The following TPD52 variants were observed in gnomAD, a reference collection of about 807,000 sequenced individuals.
The protein encoded by TPD52 is prostate and colon associated protein.
A neutral mutation model predicts 31.3 loss-of-function variants in TPD52; 17 were observed. That is an observed-to-expected ratio of 0.54 (90% confidence interval 0.37 to 0.82). The LOEUF is 0.82. Among genes scored for constraint, TPD52 ranks in the 40% least tolerant of loss-of-function variants. The probability of loss-of-function intolerance (pLI) is 0.00; values close to 1 mark genes in which losing one functional copy is unlikely to be tolerated. For missense variants in TPD52, 212 were observed against 240.1 expected, an observed-to-expected ratio of 0.88 and a Z score of 0.77; for synonymous variants, 83 against 89.6, an observed-to-expected ratio of 0.93 and a Z score of 0.42.
At chr8:80,161,732 A>ATATATATTTT (rs1277398110) in intron 1 of TPD52, among the ~76,000 whole-genome samples, 2 of 72,522 alleles carry the variant, frequency 2.8e-5, no homozygotes, top group African/African-American at 4.0e-5. Context: ...ATATATATAT[A>ATATATATTTT]TTTTTTTTTT....
At chr8:80,124,165 TC>T (rs1563643403) in intron 1 of TPD52, among the ~76,000 whole-genome samples, 7 of 95,822 alleles carry the variant, frequency 7.3e-5, no homozygotes, top group African/African-American at 4.8e-4. Flanking sequence ...TCTCTCTCTC[TC>T]TTTTTGTTTT....
At chr8:80,126,494 T>TG (rs912111590) in intron 1 of TPD52, among the ~76,000 whole-genome samples, 2,358 of 150,534 alleles carry the variant, frequency 0.016, 61 homozygotes, top group African/African-American at 0.055. Flanking sequence ...TTTTTTTTTT[T>TG]TTTTTGAGAC....
At chr8:80,113,419 A>G (rs1807643082) in intron 1 of TPD52, among the ~76,000 whole-genome samples, 1 of 152,148 alleles carries the variant, frequency 6.6e-6, no homozygotes, top group South Asian at 2.1e-4. Context: ...TGATCTACCA[A>G]CCCTACTACT....
At chr8:80,064,196 T>C (rs1812865138) in intron 2 of TPD52, among the ~76,000 whole-genome samples, 1 of 152,010 alleles carries the variant, frequency 6.6e-6, no homozygotes, top group Non-Finnish European at 1.5e-5. Flanking sequence ...GTCAGTGAAG[T>C]CCCTTAGAAG....
At chr8:80,159,477 T>A (rs1353578042) in intron 1 of TPD52, among the ~76,000 whole-genome samples, 3 of 152,088 alleles carry the variant, frequency 2.0e-5, no homozygotes, top group African/African-American at 2.4e-5. Flanking sequence ...GTAGTATAGG[T>A]ATAGGCTGGG....
intron 6 of TPD52, 131 bp from the exon 7 acceptor site, chr8:80,042,799 A>G (rs1810511401): frequency 2.7e-6 from 2 of 735,906 alleles, no homozygotes; most frequent in African/African-American, 1.8e-5. Flanking sequence ...TCTGTACCAT[A>G]TATGTGCAGG....
At chr8:80,061,699 A>C (rs1563584214) in intron 2 of TPD52, among the ~76,000 whole-genome samples, 3 of 152,248 alleles carry the variant, frequency 2.0e-5, no homozygotes, top group Admixed American at 2.0e-4. Context: ...ATTTTTTTAA[A>C]TATATTTGAG....
intron 1 of TPD52, among the ~76,000 whole-genome samples, chr8:80,137,369 A>G (rs1485722284): frequency 6.6e-6 from 1 of 152,156 alleles, no homozygotes; most frequent in Non-Finnish European, 1.5e-5. Context: ...TTTATGGCAA[A>G]TTATATATCA....
Position 80,038,288 on chromosome 8 carries a change from G to A in TPD52, c.505-53C>T, listed in dbSNP as rs552717012. On this transcript the variant is annotated intron_variant, in intron 7 of 7. Coordinates refer to ENST00000518937, the MANE Select transcript of TPD52 (RefSeq NM_001025253.3). ...GACATTATGAAACATAAAACTAGCTGATTCTGCATAAAGTAACTCTAATTC... is the reference window on the plus strand; with the variant it reads ...GACATTATGAAACATAAAACTAGCTAATTCTGCATAAAGTAACTCTAATTC... 6.3e-6 allele frequency: 10 copies of A among 1,590,400 alleles called. No homozygotes were observed. The South Asian group carries it at 1.1e-4, about 18-fold the overall frequency.
At chr8:80,136,551 A>AAAAAAAAGCAAG (rs1809447169) in intron 1 of TPD52, among the ~76,000 whole-genome samples, 1 of 143,100 alleles carries the variant, frequency 7.0e-6, no homozygotes, top group Admixed American at 7.1e-5. Context: ...AAAAAAAAAA[A>AAAAAAAAGCAAG]GAAAACAGTG....
chr8:80,038,249 T>A lies in TPD52; in HGVS notation c.505-14A>T. 1 of 1,610,172 alleles carries A rather than the reference T, an allele frequency of 6.2e-7. No individual in the cohort carries two copies. Among genetic ancestry groups the A allele is most frequent in the African/African-American group, 1.3e-5 (1 of 74,600 alleles). ...CCCTACTTTAGACTTAAAAAAAAGT[T>A]CAAAAAAGGGAAAGACATTATGAAA... On this transcript the variant is annotated splice_polypyrimidine_tract_variant and intron_variant, in intron 7 of 7. Transcript: ENST00000518937.
intron 1 of TPD52, among the ~76,000 whole-genome samples, chr8:80,086,371 T>A (rs1245697192): frequency 2.0e-5 from 3 of 151,326 alleles, no homozygotes; most frequent in Non-Finnish European, 2.9e-5. Context: ...CCCGCCTCGG[T>A]CCCCCAAGGT....
intron 1 of TPD52, chr8:80,080,402 A>T: frequency 6.2e-7 from 1 of 1,614,178 alleles, no homozygotes; most frequent in Non-Finnish European, 8.5e-7. Flanking sequence ...CCTGCATCAA[A>T]ATCAAACGGG....
At chr8:80,087,362 C>T (rs1335262438) in intron 1 of TPD52, among the ~76,000 whole-genome samples, 1 of 152,182 alleles carries the variant, frequency 6.6e-6, no homozygotes, top group African/African-American at 2.4e-5. Context: ...TAAAAAGGAA[C>T]AAGAGCATGT....
intron 1 of TPD52, among the ~76,000 whole-genome samples, chr8:80,067,858 T>C (rs1292849431): frequency 6.6e-6 from 1 of 151,934 alleles, no homozygotes; most frequent in Non-Finnish European, 1.5e-5. Flanking sequence ...ATCCAAATTT[T>C]GCCTTATATA....
In TPD52 at chr8:80,036,756, T is replaced by G. The variant is rs1341042984; in HGVS notation, c.*1360A>C. On this transcript the variant is annotated 3_prime_UTR_variant, in exon 8 of 8. Coordinates refer to ENST00000518937, the MANE Select transcript of TPD52 (RefSeq NM_001025253.3). ...TTGGTTTTCATAAGATAATTTATAC[T>G]GAAGTAAATCTAGCCATGCTTTTAA... is the stretch of plus-strand genomic sequence containing the variant. 1 of 152,660 alleles carries G rather than the reference T, an allele frequency of 6.6e-6. No homozygotes were observed. The highest frequency in any genetic ancestry group is 2.1e-4 in the South Asian group (1 of 4,834). 9.5% of individuals were successfully genotyped at this position (152,660 alleles called of 1,614,324 possible).
chr8:80,033,778 C>T (rs1446191257), downstream of TPD52, among the ~76,000 whole-genome samples: 1 of 152,148 alleles, frequency 6.6e-6, no homozygotes, highest in Admixed American at 6.5e-5. Context: ...GGCAGGTTGT[C>T]CTGATGAGTG....
chr8:80,092,682 C>T (rs78812051), intron 1 of TPD52, among the ~76,000 whole-genome samples: 2,044 of 152,120 alleles, frequency 0.013, 22 homozygotes, highest in Middle Eastern at 0.02. Flanking sequence ...ATACAACTGT[C>T]ACACGTTCTC....
At chr8:80,058,397 C>T (rs968067779) in intron 2 of TPD52, among the ~76,000 whole-genome samples, 37 of 152,114 alleles carry the variant, frequency 2.4e-4, no homozygotes, top group African/African-American at 7.5e-4. Flanking sequence ...AAATGGACTA[C>T]GCAGCAATTT....
Sources: allele counts gnomAD v4.1 joint callset (sites outside exome capture counted in the v4.1 genomes callset), GRCh38; gene constraint gnomAD v4.1.1; transcripts MANE v1.5; gene names NCBI Gene and HGNC (gene_info 2026-07-23, HGNC 2026-07-21).